The following IRS4 variants were observed in gnomAD, a reference collection of about 807,000 sequenced individuals.
IRS4 encodes insulin receptor substrate 4, also known as 160 kDa phosphotyrosine protein.
A neutral mutation model predicts 48.6 loss-of-function variants in IRS4; 15 were observed. The ratio of observed to expected loss-of-function variants is 0.31; its 90% CI spans 0.21 to 0.48. The LOEUF (loss-of-function observed/expected upper bound fraction) is 0.48. IRS4 is among the 20% of genes least tolerant of loss of function. The pLI is 0.99. For missense variants in IRS4, 987 were observed against 1,023.4 expected, an observed-to-expected ratio of 0.96 and a Z score of 0.49; for synonymous variants, 459 against 413.2, an observed-to-expected ratio of 1.11 and a Z score of -1.34.
At chrX:108,730,857 A>G (rs2068898608) in intron 1 of IRS4, among the ~76,000 whole-genome samples, 1 of 112,454 alleles carries the variant, frequency 8.9e-6, no homozygotes. Context: ...CATCTACATC[A>G]AAATTATAAA....
chrX:108,735,968 G>T lies in IRS4; in HGVS notation c.377C>A (p.Ala126Glu). The change falls in exon 1 of 2, where the codon GCG (alanine) becomes GAG (glutamate). Residue 126 changes from alanine (A) to glutamate (E), a missense_variant. Around this residue, in one of 4 missense-constraint regions of IRS4, gnomAD observed 173 missense variants for 208.9 expected, o/e 0.83. Coordinates refer to ENST00000372129, the MANE Select transcript of IRS4 (RefSeq NM_001379150.1). ...AGAGGCGGCCGCCGCTGCTGCAGCC[G>T]CCGCGGCGCGGACACTGTGCCGGAA... The part of the protein sequence containing the change: ...RKFRHSVRAA[A>E]AAAAAAASGA... 1.7e-6 allele frequency: 2 copies of T among 1,207,774 alleles called. No individual in the cohort carries two copies. The highest frequency in any genetic ancestry group is 2.2e-6 in the Non-Finnish European group (2 of 893,775).
At position 108,733,605 on chromosome X, in the gene IRS4, C is replaced by T. The variant is rs760481348; in HGVS notation, c.2740G>A (p.Glu914Lys). The T allele has an allele frequency of 2.5e-6, 3 of 1,210,548 alleles. No individual in the cohort carries two copies. The South Asian group carries it at 5.3e-5, about 21-fold the overall frequency. ...ACGTAGTCACTAGAGCTGTCAGCTT[C>T]TCTCTGCTCATGTGTGGGCTTTTGT... ...KPQKPTHEQR[E>K]ADSSSDYVNM... Residue 914 changes from glutamate to lysine, a missense_variant, in exon 1 of 2, where the codon GAA becomes AAA. Physicochemically the swap from Glu to Lys is moderately conservative, Grantham distance 56 (BLOSUM62 1). Coordinates refer to ENST00000372129, the MANE Select transcript of IRS4 (RefSeq NM_001379150.1).
In IRS4 at chrX:108,735,742, G is replaced by A; in HGVS notation, c.603C>T (p.Ser201=). ...YLLLSRLILE[S]KRRRCGTLGA... ...CGAGCGTGCCGCAGCGGCGGCGCTT[G>A]CTCTCGAGGATGAGGCGGCTGAGCA... The change falls in exon 1 of 2, where the codon AGC becomes AGT. Residue 201 remains serine (S), a synonymous_variant. Coordinates refer to ENST00000372129, the MANE Select transcript of IRS4 (RefSeq NM_001379150.1). 8.4e-7 allele frequency: 1 copy of A among 1,192,719 alleles called. No homozygotes were observed.
Position 108,736,276 on chromosome X carries a change from C to A in IRS4, c.69G>T (p.Ala23=), listed in dbSNP as rs374123001. 1.7e-6 allele frequency: 2 copies of A among 1,198,788 alleles called. No homozygotes were observed. The highest frequency in any genetic ancestry group is 2.2e-6 in the Non-Finnish European group (2 of 889,329). ...RRLRGAAAAA[A]AALAAVVTTP... ...TGGTCACCACTGCTGCTAGAGCTGC[C>A]GCTGCCGCCGCTGCTGCACCTCTTA... Residue 23 remains alanine, a synonymous_variant, in exon 1 of 2, where the codon GCG becomes GCT. Transcript: ENST00000372129.
In IRS4 at chrX:108,733,504, T is replaced by C. The variant is rs774423938; in HGVS notation, c.2841A>G (p.Ile947Met). The change falls in exon 1 of 2, where the codon ATA (isoleucine) becomes ATG (methionine). Residue 947 changes from isoleucine to methionine, a missense_variant. Coordinates refer to ENST00000372129, the MANE Select transcript of IRS4 (RefSeq NM_001379150.1). ...STQGLPDSWG[I>M]IAEPRQSAFS... ...AGGCTGACTGTCTGGGTTCAGCAAT[T>C]ATGCCCCACGAATCTGGTAGTCCTT... 8.3e-7 allele frequency: 1 copy of C among 1,211,871 alleles called. No homozygotes were observed. Among genetic ancestry groups the C allele is most frequent in the East Asian group, 3.0e-5 (1 of 33,846 alleles).
chrX:108,732,711 C>T lies in IRS4; in HGVS notation c.3634G>A (p.Ala1212Thr). The T allele has an allele frequency of 8.3e-7, 1 of 1,211,473 alleles. No homozygotes were observed. The highest frequency in any genetic ancestry group is 1.1e-6 in the Non-Finnish European group (1 of 895,286). Residue 1212 changes from alanine (A) to threonine (T), a missense_variant, in exon 1 of 2, where the codon GCT (alanine) becomes ACT (threonine). This residue lies in a region of IRS4 where 720 missense variants were observed against 660.3 expected (regional missense o/e 1.09). Coordinates refer to ENST00000372129, the MANE Select transcript of IRS4 (RefSeq NM_001379150.1). ...CGACTGCGAGGTGGTGGTTCCGGAG[C>T]GGCAGCTGCAGCGGCAGCCCCGCCA... ...QAGGAAAAAA[A>T]PEPPPRSRRV... is the part of the protein sequence containing the mutation.
chrX:108,725,729 C>G (rs1404288636), intron 1 of IRS4, among the ~76,000 whole-genome samples: 1 of 111,712 alleles, frequency 9.0e-6, no homozygotes, highest in Non-Finnish European at 1.9e-5. Context: ...CTTTACAACA[C>G]CAATTATACC....
chrX:108,735,148 G>A lies in IRS4; in HGVS notation c.1197C>T (p.Phe399=), dbSNP rs1242197599. The change falls in exon 1 of 2, where the codon TTC becomes TTT. Residue 399 remains phenylalanine (F), a synonymous_variant. Coordinates refer to ENST00000372129, the MANE Select transcript of IRS4 (RefSeq NM_001379150.1). ...GEDEMLFTRR[F]VTPSEPVAHS... ...GGGCCACAGGCTCGCTGGGTGTTAC[G>A]AAGCGCCTGGTGAAAAGCATCTCGT... is the stretch of plus-strand genomic sequence containing the variant. 15 of 1,211,252 alleles carry A rather than the reference G, an allele frequency of 1.2e-5. No homozygotes were observed. Among genetic ancestry groups the A allele is most frequent in the Middle Eastern group, 2.3e-4 (1 of 4,354 alleles).
chrX:108,731,879 A>G (rs767216745), intron 1 of IRS4, among the ~76,000 whole-genome samples: 1 of 112,093 alleles, frequency 8.9e-6, no homozygotes, highest in Non-Finnish European at 1.9e-5. Context: ...AGGAACACTC[A>G]AGGTTTCTGG....
chrX:108,720,971 G>C lies in IRS4; in HGVS notation c.*1548C>G, dbSNP rs764604197. On this transcript the variant is annotated 3_prime_UTR_variant, in exon 2 of 2. Coordinates refer to ENST00000372129, the MANE Select transcript of IRS4 (RefSeq NM_001379150.1). ...AGCTTGCTTGAAGATAGAAGTACAC[G>C]TTCAAAGACATTAAAACCAAGTAGT... 1 of 112,902 alleles carries C rather than the reference G, an allele frequency of 8.9e-6. No homozygotes were observed. The highest frequency in any genetic ancestry group is 1.9e-5 in the Non-Finnish European group (1 of 53,393). 9.3% of individuals were successfully genotyped at this position (112,902 alleles called of 1,213,427 possible). A position where few individuals can be genotyped will look rare whatever the true frequency, so the allele number is the denominator to read the frequency against.
intron 1 of IRS4, among the ~76,000 whole-genome samples, chrX:108,728,310 G>T (rs1192110010): frequency 3.6e-5 from 4 of 112,263 alleles, no homozygotes; most frequent in African/African-American, 1.3e-4. Flanking sequence ...ATAGTCCACA[G>T]TTATAATGCT....
Position 108,732,646 on chromosome X carries a change from G to A in IRS4, c.3699C>T (p.Asn1233=), listed in dbSNP as rs773769067. The part of the protein sequence containing the change: ...PRPPEREDSD[N]DDDTHVRMDF... ...CCATTCTCACGTGAGTGTCGTCGTC[G>A]TTGTCAGAATCTTCTCTCTCCGGGG... is the stretch of plus-strand genomic sequence containing the variant. The change falls in exon 1 of 2, where the codon AAC becomes AAT. Residue 1233 remains asparagine, a synonymous_variant. Coordinates refer to ENST00000372129, the MANE Select transcript of IRS4 (RefSeq NM_001379150.1). 1.5e-5 allele frequency: 18 copies of A among 1,209,901 alleles called. No homozygotes were observed. In the South Asian group the frequency reaches 3.0e-4, roughly 20 times the overall value.
chrX:108,727,103 C>T (rs180682385), intron 1 of IRS4, among the ~76,000 whole-genome samples: 24 of 112,125 alleles, frequency 2.1e-4, no homozygotes, highest in African/African-American at 7.8e-4. Flanking sequence ...GAGGGTAAGA[C>T]TCACAGAACA....
chrX:108,735,391 T>C lies in IRS4; in HGVS notation c.954A>G (p.Gln318=). 8.3e-7 allele frequency: 1 copy of C among 1,211,154 alleles called. No individual in the cohort carries two copies. The highest frequency in any genetic ancestry group is 1.1e-6 in the Non-Finnish European group (1 of 895,420). The change falls in exon 1 of 2, where the codon CAA becomes CAG. Residue 318 remains glutamine (Q), a synonymous_variant. Coordinates refer to ENST00000372129, the MANE Select transcript of IRS4 (RefSeq NM_001379150.1). ...WMQVDDCVVA[Q]NMHELFLEKM... ...TCTCCAAAAACAGCTCATGCATGTT[T>C]TGGGCAACCACACAGTCATCGACCT...
In IRS4 at chrX:108,734,752, A is replaced by C; in HGVS notation, c.1593T>G (p.Gly531=). ...AGCCCTGGCCATTTGAGCCCTGACC[A>C]CCTCGGGATCCCTGTCCCTCGCCTG... ...QCSGEGQGSR[G]GQGSNGQGSG... The change falls in exon 1 of 2, where the codon GGT becomes GGG. Residue 531 remains glycine (G), a synonymous_variant. Coordinates refer to ENST00000372129, the MANE Select transcript of IRS4 (RefSeq NM_001379150.1). 8.3e-7 allele frequency: 1 copy of C among 1,209,558 alleles called. No homozygotes were observed. Among genetic ancestry groups the C allele is most frequent in the Non-Finnish European group, 1.1e-6 (1 of 894,987 alleles).
intron 1 of IRS4, chrX:108,726,139 T>C (rs1434876318): frequency 8.9e-6 from 1 of 112,851 alleles, no homozygotes; most frequent in African/African-American, 3.2e-5. Context: ...TCCAAGGTCA[T>C]TGTTTAGTTG....
Position 108,734,226 on chromosome X carries a change from C to T in IRS4, c.2119G>A (p.Val707Met). The T allele has an allele frequency of 8.3e-7, 1 of 1,211,237 alleles. No homozygotes were observed. The highest frequency in any genetic ancestry group is 1.1e-6 in the Non-Finnish European group (1 of 895,369). The change falls in exon 1 of 2, where the codon GTG (valine) becomes ATG (methionine). Residue 707 changes from valine (V) to methionine (M), a missense_variant. Physicochemically the swap from Val to Met is conservative, Grantham distance 21 (BLOSUM62 1). Coordinates refer to ENST00000372129, the MANE Select transcript of IRS4 (RefSeq NM_001379150.1). ...CTGGAGCTTACAAGAGGGGTGGCCA[C>T]CCCTGGCCTCATTGGCACGTATGGG... ...DDPYVPMRPG[V>M]ATPLVSSSDY...
At chrX:108,730,495 T>C (rs2068896811) in intron 1 of IRS4, among the ~76,000 whole-genome samples, 1 of 111,825 alleles carries the variant, frequency 8.9e-6, no homozygotes, top group South Asian at 3.7e-4. Flanking sequence ...TATCTTACAT[T>C]TGTAAAGTGC....
In IRS4 at chrX:108,735,908, C is replaced by T; in HGVS notation, c.437G>A (p.Arg146His). The change falls in exon 1 of 2, where the codon CGC becomes CAC. Residue 146 changes from arginine (R) to histidine (H), a missense_variant. Physicochemically the swap from Arg to His is conservative, Grantham distance 29. Coordinates refer to ENST00000372129, the MANE Select transcript of IRS4 (RefSeq NM_001379150.1). ...AAAGCACTGGTATAGGGTGATCACGCGCCGCGGTGGAATGAGCGGGGGGAT... is the reference window on the plus strand; with the variant it reads ...AAAGCACTGGTATAGGGTGATCACGTGCCGCGGTGGAATGAGCGGGGGGAT... ...AAIPPLIPPR[R>H]VITLYQCFSV... 8.3e-7 allele frequency: 1 copy of T among 1,209,830 alleles called. No homozygotes were observed. The highest frequency in any genetic ancestry group is 1.1e-6 in the Non-Finnish European group (1 of 894,703).
Sources: allele counts gnomAD v4.1 joint callset (sites outside exome capture counted in the v4.1 genomes callset), GRCh38; gene constraint gnomAD v4.1.1; regional missense constraint gnomAD v4.1.1; transcripts MANE v1.5; gene names NCBI Gene and HGNC (gene_info 2026-07-23, HGNC 2026-07-21).